Variants in AVL9 observed in about 807,000 individuals in gnomAD.
AVL9 encodes late secretory pathway protein AVL9 homolog.
A neutral mutation model predicts 79.2 loss-of-function variants in AVL9; 49 were observed. The observed-to-expected ratio is 0.62, with a 90% CI of 0.49 to 0.79. AVL9 has a LOEUF of 0.79. Ranked by LOEUF, AVL9 falls within the 30% of genes least tolerant of loss-of-function variation. The pLI is 0.00. For missense variants in AVL9, 682 were observed against 776.8 expected, an observed-to-expected ratio of 0.88 and a Z score of 1.45; for synonymous variants, 299 against 280.6, an observed-to-expected ratio of 1.07 and a Z score of -0.65.
intron 1 of AVL9, among the ~76,000 whole-genome samples, chr7:32,499,156 G>T (rs1386080160): frequency 1.3e-5 from 2 of 151,882 alleles, no homozygotes; most frequent in Non-Finnish European, 2.9e-5. Context: ...ATGAGTCCCT[G>T]TCTCAAAACG....
intron 1 of AVL9, among the ~76,000 whole-genome samples, chr7:32,525,085 C>G (rs546633658): frequency 6.6e-6 from 1 of 152,066 alleles, no homozygotes; most frequent in Non-Finnish European, 1.5e-5. Flanking sequence ...CTGTTTGGCT[C>G]GTGAATGGCA....
intron 10 of AVL9, among the ~76,000 whole-genome samples, chr7:32,565,012 C>A (rs1308357070): frequency 6.6e-6 from 1 of 152,146 alleles, no homozygotes; most frequent in Non-Finnish European, 1.5e-5. Context: ...AAAGACAATC[C>A]TGAGGGCTTT....
Position 32,559,200 on chromosome 7 carries a change from A to G in AVL9, c.951A>G (p.Lys317=). 6.2e-7 allele frequency: 1 copy of G among 1,613,974 alleles called. No individual in the cohort carries two copies. Among genetic ancestry groups the G allele is most frequent in the East Asian group, 2.2e-5 (1 of 44,880 alleles). The change falls in exon 10 of 16, where the codon AAA becomes AAG. Residue 317 remains lysine, a synonymous_variant. Coordinates refer to ENST00000318709, the MANE Select transcript of AVL9 (RefSeq NM_015060.3). ...QEPNDTNQYL[K]PPSRPSPDSS... ...CCAATGATACCAATCAATATTTGAA[A>G]CCTCCATCTCGCCCATCTCCAGATT...
rs1791273518 is a variant in AVL9 at position 32,579,409 on chromosome 7, ATAATATGTTATATATATAATATATAT to A, written c.1689-809_1689-784del. Reference sequence around the variant, plus strand: ...ACATATTATATGTTATATATTATATATAATATGTTATATATATAATATATATATTATATATAATATATTATATATTA... The same window carrying A: ...ACATATTATATGTTATATATTATATAATTATATATAATATATTATATATTA... On this transcript the variant is annotated intron_variant, in intron 13 of 15. Transcript: ENST00000318709. Among the ~76,000 whole-genome samples, 2 of 4,228 alleles carry A rather than the reference ATAATATGTTATATATATAATATATAT, an allele frequency of 4.7e-4. 1 individual carries two copies. Among genetic ancestry groups the A allele is most frequent in the South Asian group, 0.026 (2 of 78 alleles). The allele number at this position is 4,228 out of a possible 152,430, so 2.8% of individuals were successfully genotyped here.
Position 32,558,608 on chromosome 7 carries a change from C to A in AVL9, c.659C>A (p.Thr220Asn), listed in dbSNP as rs777549893. 4.3e-6 allele frequency: 7 copies of A among 1,611,752 alleles called. No homozygotes were observed. Among genetic ancestry groups the A allele is most frequent in the Non-Finnish European group, 8.5e-7 (1 of 1,179,124 alleles). The change falls in exon 9 of 16, where the codon ACT becomes AAT. Residue 220 changes from threonine (T) to asparagine (N), a missense_variant. By Grantham distance (65) the Thr-to-Asn change is moderately conservative. Coordinates refer to ENST00000318709, the MANE Select transcript of AVL9 (RefSeq NM_015060.3). Reference sequence around the variant, plus strand: ...AATAAATTGGTGGGTGCACTGATGACTGTGTTATCCCTTTTTCCAGGTAAG... The same window carrying A: ...AATAAATTGGTGGGTGCACTGATGAATGTGTTATCCCTTTTTCCAGGTAAG... ...PVNKLVGALMTVLSLFPGMIE... is the reference protein window; with the variant it reads ...PVNKLVGALMNVLSLFPGMIE...
intron 1 of AVL9, among the ~76,000 whole-genome samples, chr7:32,509,960 C>G (rs537497622): frequency 2.8e-4 from 43 of 152,370 alleles, no homozygotes; most frequent in African/African-American, 9.4e-4. Flanking sequence ...GGAATCTGAT[C>G]ATGGAAAAGG....
At chr7:32,513,236 T>C (rs1261754729) in intron 1 of AVL9, among the ~76,000 whole-genome samples, 1 of 152,064 alleles carries the variant, frequency 6.6e-6, no homozygotes, top group African/African-American at 2.4e-5. Context: ...CCTGCAACCA[T>C]CCCAATGGAT....
At position 32,580,796 on chromosome 7, in the gene AVL9, A is replaced by G. The variant is rs1345190135; in HGVS notation, c.1743-6A>G. 1.9e-6 allele frequency: 3 copies of G among 1,609,112 alleles called. No homozygotes were observed. In the Admixed American group the frequency reaches 5.0e-5, roughly 27 times the overall value. ...TAACACTTCTTTTATCTTATCTTTT[A>G]CCCAGTTCTGTTCAGAATAGTGAAC... On this transcript the variant is annotated splice_region_variant and splice_polypyrimidine_tract_variant and intron_variant, in intron 14 of 15. Transcript: ENST00000318709.
chr7:32,505,387 G>C (rs1205394268), intron 1 of AVL9, among the ~76,000 whole-genome samples: 1 of 151,660 alleles, frequency 6.6e-6, no homozygotes, highest in Non-Finnish European at 1.5e-5. Context: ...AGCCAGGCAT[G>C]TAGCAGGTGT....
Position 32,499,584 on chromosome 7 carries a change from T to C in AVL9, c.93+3782T>C, listed in dbSNP as rs1455750370. Among the ~76,000 whole-genome samples the C allele has an allele frequency of 2.0e-5, 3 of 152,256 alleles. No individual in the cohort carries two copies. The East Asian group carries it at 5.8e-4, about 29-fold the overall frequency. ...ACAAAAAAGGCAGAATAACAATTTT[T>C]TTTTTTAATTATACTTTAAGTTCTG... On this transcript the variant is annotated intron_variant, in intron 1 of 15. Coordinates refer to ENST00000318709, the MANE Select transcript of AVL9 (RefSeq NM_015060.3).
chr7:32,502,173 G>A (rs928748356), intron 1 of AVL9, among the ~76,000 whole-genome samples: 3 of 151,974 alleles, frequency 2.0e-5, no homozygotes, highest in African/African-American at 7.3e-5. Flanking sequence ...AGACCAGCCT[G>A]GGCAACATAG....
Position 32,517,935 on chromosome 7 carries a change from G to A in AVL9, c.93+22133G>A, listed in dbSNP as rs575985526. On this transcript the variant is annotated intron_variant, in intron 1 of 15. Transcript: ENST00000318709. Reference sequence around the variant, plus strand: ...CAACCTCTACCTACCAGGCTCAAGCGATTCTCTGCCTCAGCCTCTTGAGTA... The same window carrying A: ...CAACCTCTACCTACCAGGCTCAAGCAATTCTCTGCCTCAGCCTCTTGAGTA... Among the ~76,000 whole-genome samples, 260 of 152,020 alleles carry A rather than the reference G, an allele frequency of 1.7e-3. 1 individual carries two copies. The highest frequency in any genetic ancestry group is 5.6e-3 in the African/African-American group (232 of 41,458).
At chr7:32,512,613 G>A (rs757473469) in intron 1 of AVL9, among the ~76,000 whole-genome samples, 15 of 152,098 alleles carry the variant, frequency 9.9e-5, no homozygotes, top group Non-Finnish European at 2.1e-4. Context: ...AGCTTACCTC[G>A]TAGTTCCTGT....
At chr7:32,551,525 A>C (rs1789817803) in intron 5 of AVL9, 102 bp downstream of exon 5, 2 of 521,224 alleles carry the variant, frequency 3.8e-6, no homozygotes, top group Non-Finnish European at 6.5e-6. Context: ...TACCTTAAGA[A>C]AGACATTCTA....
intron 4 of AVL9, among the ~76,000 whole-genome samples, chr7:32,549,749 C>A (rs1415166597): frequency 1.6e-5 from 2 of 124,998 alleles, no homozygotes; most frequent in African/African-American, 2.9e-5. Flanking sequence ...CCTGTCTCTA[C>A]TAAAAATTAA....
chr7:32,508,749 A>T (rs1787523864), intron 1 of AVL9, among the ~76,000 whole-genome samples: 1 of 152,142 alleles, frequency 6.6e-6, no homozygotes, highest in Non-Finnish European at 1.5e-5. Context: ...TCCTATCTTC[A>T]CTGTTCTGTT....
intron 3 of AVL9, among the ~76,000 whole-genome samples, chr7:32,548,238 C>T (rs1355770783): frequency 6.7e-6 from 1 of 149,788 alleles, no homozygotes; most frequent in Non-Finnish European, 1.5e-5. Context: ...ACCTCTGCCT[C>T]CCGGGTTCAA....
chr7:32,580,103 G>T, intron 13 of AVL9, 116 bp from the exon 14 acceptor site: 1 of 761,986 alleles, frequency 1.3e-6, no homozygotes. Context: ...ACCAAACACA[G>T]CACTACCACC....
chr7:32,577,013 T>G (rs116720129), intron 13 of AVL9, among the ~76,000 whole-genome samples: 1 of 152,106 alleles, frequency 6.6e-6, no homozygotes, highest in Non-Finnish European at 1.5e-5. Flanking sequence ...TCAGTTGATA[T>G]AGTGTATACA....
Sources: allele counts gnomAD v4.1 joint callset (sites outside exome capture counted in the v4.1 genomes callset), GRCh38; gene constraint gnomAD v4.1.1; transcripts MANE v1.5; gene names NCBI Gene and HGNC (gene_info 2026-07-23, HGNC 2026-07-21).